The following TRHDE variants were observed in gnomAD, a reference collection of about 807,000 sequenced individuals.
TRHDE encodes thyrotropin-releasing hormone-degrading ectoenzyme.
A neutral mutation model predicts 125.7 loss-of-function variants in TRHDE; 72 were observed. The observed-to-expected ratio is 0.57, with a 90% CI of 0.47 to 0.70. The LOEUF (loss-of-function observed/expected upper bound fraction) is 0.70. TRHDE is among the 30% of genes least tolerant of loss of function. The pLI is 0.00. For synonymous variants in TRHDE, 509 were observed against 509.1 expected, an observed-to-expected ratio of 1.00 and a Z score of 0.00; for missense variants, 1,110 against 1,327.1, an observed-to-expected ratio of 0.84 and a Z score of 2.54.
chr12:72,109,222 T>C (rs981195581), intron 2 of TRHDE, among the ~76,000 whole-genome samples: 5 of 152,026 alleles, frequency 3.3e-5, no homozygotes, highest in Non-Finnish European at 7.4e-5. Flanking sequence ...TTGACATCAA[T>C]TTGGCCCACC....
chr12:72,434,567 A>G (rs1403710815), intron 3 of TRHDE, among the ~76,000 whole-genome samples: 2 of 152,094 alleles, frequency 1.3e-5, no homozygotes, highest in Admixed American at 6.5e-5. Flanking sequence ...TTAGATTTTC[A>G]GTCACTACTG....
rs535813231 is a variant in TRHDE at position 72,309,318 on chromosome 12, A to C, written c.1188+22364A>C. On this transcript the variant is annotated intron_variant, in intron 2 of 18. Coordinates refer to ENST00000261180, the MANE Select transcript of TRHDE (RefSeq NM_013381.3). ...AAGAGAAAGTGTGAGAAAGAGAGGT[A>C]GTCAGACACAATTAAGGGAAGGATT... 2.0e-5 allele frequency among the ~76,000 whole-genome samples: 3 copies of C among 152,352 alleles called. No individual in the cohort carries two copies. The South Asian group carries it at 6.2e-4, about 32-fold the overall frequency.
At chr12:72,167,115 G>T (rs1876769758) in intron 2 of TRHDE, among the ~76,000 whole-genome samples, 1 of 152,124 alleles carries the variant, frequency 6.6e-6, no homozygotes, top group African/African-American at 2.4e-5. Context: ...CTGAGACATG[G>T]TTCTTAAAAT....
intron 2 of TRHDE, among the ~76,000 whole-genome samples, chr12:72,155,805 G>T (rs753019104): frequency 6.6e-6 from 1 of 152,184 alleles, no homozygotes; most frequent in African/African-American, 2.4e-5. Context: ...TGCCCCTACT[G>T]GGGGGTGCCT....
chr12:72,476,581 G>A (rs529669142), intron 5 of TRHDE, among the ~76,000 whole-genome samples: 1 of 152,326 alleles, frequency 6.6e-6, no homozygotes, highest in Non-Finnish European at 1.5e-5. Context: ...ACCTGAGCCT[G>A]TAATAGAAAA....
chr12:72,390,422 C>T (rs1872575385), intron 3 of TRHDE, among the ~76,000 whole-genome samples: 1 of 151,952 alleles, frequency 6.6e-6, no homozygotes, highest in Non-Finnish European at 1.5e-5. Context: ...GCAGCACTGC[C>T]AATCAGCCAA....
At chr12:72,368,319 A>T (rs963445915) in intron 2 of TRHDE, among the ~76,000 whole-genome samples, 1 of 152,174 alleles carries the variant, frequency 6.6e-6, no homozygotes, top group African/African-American at 2.4e-5. Context: ...TTAGTAGAAG[A>T]TTTCATAATA....
chr12:72,635,682 A>T lies in TRHDE; in HGVS notation c.2675+13931A>T, dbSNP rs113289325. Among the ~76,000 whole-genome samples, 436 of 149,826 alleles carry T rather than the reference A, an allele frequency of 2.9e-3. 1 individual carries two copies. Among genetic ancestry groups the T allele is most frequent in the African/African-American group, 0.01 (412 of 41,078 alleles). On this transcript the variant is annotated intron_variant, in intron 15 of 18. Coordinates refer to ENST00000261180, the MANE Select transcript of TRHDE (RefSeq NM_013381.3). ...TCCATCTTGAATTGATTTTTGTATAAGGTGTAAGGAAGGGATCCAGTTTCA... is the reference window on the plus strand; with the variant it reads ...TCCATCTTGAATTGATTTTTGTATATGGTGTAAGGAAGGGATCCAGTTTCA...
At chr12:72,087,268 A>G (rs1373444742) in exon 1 of TRHDE, 1 of 152,170 alleles carries the variant, frequency 6.6e-6, no homozygotes, top group Non-Finnish European at 1.5e-5. Context: ...GGAGAGACAG[A>G]AGAGAAGGCA....
intron 1 of TRHDE, among the ~76,000 whole-genome samples, chr12:72,096,415 C>A (rs544183694): frequency 6.6e-6 from 1 of 152,150 alleles, no homozygotes; most frequent in African/African-American, 2.4e-5. Flanking sequence ...TAGATTGTTT[C>A]TTCCTCAGTT....
chr12:72,300,664 TAC>T (rs971645579), intron 2 of TRHDE, among the ~76,000 whole-genome samples: 9 of 151,650 alleles, frequency 5.9e-5, no homozygotes, highest in African/African-American at 1.7e-4. Flanking sequence ...AGTATGTATA[TAC>T]ACACACACAT....
chr12:72,495,172 T>TGC (rs1877861970), intron 5 of TRHDE, among the ~76,000 whole-genome samples: 1 of 146,502 alleles, frequency 6.8e-6, no homozygotes, highest in African/African-American at 2.5e-5. Context: ...CATCAAAGTA[T>TGC]CAACATTGGT....
intron 12 of TRHDE, among the ~76,000 whole-genome samples, chr12:72,603,092 A>G (rs1333225644): frequency 1.3e-5 from 2 of 152,204 alleles, no homozygotes; most frequent in Admixed American, 6.5e-5. Context: ...GGCTTCTTTG[A>G]GGGGAGTTTG....
intron 2 of TRHDE, among the ~76,000 whole-genome samples, chr12:72,236,510 C>T (rs1201066160): frequency 2.0e-4 from 30 of 149,774 alleles, no homozygotes; most frequent in Non-Finnish European, 4.5e-5. Context: ...AGTCCTTTCT[C>T]CTCTTAAAAC....
chr12:72,183,416 G>T (rs1877135792), intron 2 of TRHDE, among the ~76,000 whole-genome samples: 9 of 152,174 alleles, frequency 5.9e-5, no homozygotes, highest in Admixed American at 5.9e-4. Context: ...CATGTGTGGA[G>T]AATTATTAAA....
intron 6 of TRHDE, among the ~76,000 whole-genome samples, chr12:72,534,307 A>G (rs1868733077): frequency 6.6e-6 from 1 of 152,188 alleles, no homozygotes; most frequent in Non-Finnish European, 1.5e-5. Flanking sequence ...AGACTTAAAT[A>G]ATTTATGACT....
chr12:72,570,349 G>T (rs1368791629), intron 10 of TRHDE, among the ~76,000 whole-genome samples: 1 of 152,084 alleles, frequency 6.6e-6, no homozygotes, highest in Non-Finnish European at 1.5e-5. Context: ...GGGAGGCTGA[G>T]GCAGGTGGAT....
At chr12:72,488,210 A>G (rs946188103) in intron 5 of TRHDE, among the ~76,000 whole-genome samples, 1 of 152,066 alleles carries the variant, frequency 6.6e-6, no homozygotes, top group Non-Finnish European at 1.5e-5. Context: ...TAATCAAAAG[A>G]CATAGAGTGG....
At chr12:72,211,381 G>A (rs1291513849) in intron 2 of TRHDE, among the ~76,000 whole-genome samples, 1 of 152,118 alleles carries the variant, frequency 6.6e-6, no homozygotes, top group Non-Finnish European at 1.5e-5. Context: ...GAGCTGAAGT[G>A]GCTGTGCTAA....
Sources: gnomAD v4.1 joint callset for allele counts (sites outside exome capture counted in the v4.1 genomes callset) on GRCh38, gnomAD v4.1.1 for gene constraint, MANE v1.5 for transcripts, NCBI Gene and HGNC (gene_info 2026-07-23, HGNC 2026-07-21) for gene names.